FTCDNL1: variants seen among roughly 807,000 people sequenced by gnomAD.
FTCDNL1 encodes the protein formiminotransferase cyclodeaminase N-terminal like, also known as formiminotransferase N-terminal subdomain-containing protein.
A neutral mutation model predicts 5.9 loss-of-function variants in FTCDNL1; 11 were observed. The ratio of observed to expected loss-of-function variants is 1.87; its 90% CI spans 1.18 to 3.10. FTCDNL1 has a LOEUF of 3.10. Ranked by LOEUF, FTCDNL1 falls within the 30% of genes most tolerant of loss-of-function variation. The pLI is 0.00. For synonymous variants in FTCDNL1, 58 were observed against 24.8 expected, an observed-to-expected ratio of 2.34 and a Z score of -3.99; for missense variants, 115 against 65.5, an observed-to-expected ratio of 1.76 and a Z score of -2.61.
chr2:199,829,549 G>A (rs1702240908), intron 3 of FTCDNL1, among the ~76,000 whole-genome samples: 1 of 152,116 alleles, frequency 6.6e-6, no homozygotes, highest in Non-Finnish European at 1.5e-5. Context: ...GCCTATAACA[G>A]ACATAATTGT....
the FTCDNL1 span, among the ~76,000 whole-genome samples, chr2:199,677,716 T>C: frequency 6.6e-6 from 1 of 152,136 alleles, no homozygotes; most frequent in Non-Finnish European, 1.5e-5. Flanking sequence ...ATAACCAAGG[T>C]CACAAATTGT....
chr2:199,667,483 A>G, the FTCDNL1 span, among the ~76,000 whole-genome samples: 1 of 151,288 alleles, frequency 6.6e-6, no homozygotes, highest in African/African-American at 2.4e-5. Context: ...CAAAAAACAA[A>G]CAAACAAACA....
the FTCDNL1 span, among the ~76,000 whole-genome samples, chr2:199,698,062 T>C: frequency 1.7e-4 from 26 of 152,052 alleles, 1 homozygote; most frequent in Admixed American, 3.3e-4. Context: ...TGATAAAGGG[T>C]TCAATTCAAC....
chr2:199,749,597 T>C, the FTCDNL1 span, among the ~76,000 whole-genome samples: 2 of 152,224 alleles, frequency 1.3e-5, no homozygotes, highest in Non-Finnish European at 2.9e-5. Flanking sequence ...TTAACATTTA[T>C]TTGAGTGTTT....
Position 199,824,664 on chromosome 2 carries a change from G to A in FTCDNL1, c.212-4907C>T, listed in dbSNP as rs558259520. 7.2e-5 allele frequency among the ~76,000 whole-genome samples: 11 copies of A among 152,214 alleles called. No individual in the cohort carries two copies. The South Asian group carries it at 2.3e-3, about 32-fold the overall frequency. ...AAAGGCCATTGTTGGGTTATTAATT[G>A]GCCTAATTTCAATACTGTTGTGTCT... On this transcript the variant is annotated intron_variant, in intron 3 of 4. Coordinates refer to ENST00000420128, the MANE Select transcript of FTCDNL1 (RefSeq NM_001363886.2).
At chr2:199,849,788 T>G (rs1397912498) in intron 1 of FTCDNL1, among the ~76,000 whole-genome samples, 1 of 152,174 alleles carries the variant, frequency 6.6e-6, no homozygotes, top group African/African-American at 2.4e-5. Context: ...AGAAAATAAT[T>G]TCCCTCTTCA....
At chr2:199,792,038 G>A (rs978450564) in intron 3 of FTCDNL1, among the ~76,000 whole-genome samples, 1 of 151,770 alleles carries the variant, frequency 6.6e-6, no homozygotes, top group Non-Finnish European at 1.5e-5. Context: ...TTACCACTAT[G>A]AATTTTGTCT....
chr2:199,849,854 A>AG (rs1236049971), intron 1 of FTCDNL1, among the ~76,000 whole-genome samples: 1 of 152,214 alleles, frequency 6.6e-6, no homozygotes, highest in African/African-American at 2.4e-5. Context: ...AAAATAGATG[A>AG]GGCCCTCATG....
intron 3 of FTCDNL1, among the ~76,000 whole-genome samples, chr2:199,838,920 C>T (rs1291620610): frequency 2.0e-5 from 3 of 152,122 alleles, no homozygotes; most frequent in African/African-American, 7.2e-5. Context: ...TTCTAAAACA[C>T]TGGCAGTGGT....
the FTCDNL1 span, among the ~76,000 whole-genome samples, chr2:199,677,156 A>T: frequency 3.9e-5 from 6 of 152,158 alleles, no homozygotes; most frequent in African/African-American, 1.4e-4. Flanking sequence ...TATAACATGT[A>T]TGTAGACTTG....
Position 199,809,673 on chromosome 2 carries a change from C to T in FTCDNL1, c.*3032G>A, listed in dbSNP as rs1400181487. Among the ~76,000 whole-genome samples the T allele has an allele frequency of 2.0e-5, 3 of 152,182 alleles. No individual in the cohort carries two copies. Among genetic ancestry groups the T allele is most frequent in the Non-Finnish European group, 2.9e-5 (2 of 68,024 alleles). On this transcript the variant is annotated 3_prime_UTR_variant, in exon 5 of 5. Transcript: ENST00000420128. Reference sequence around the variant, plus strand: ...TCTCTTTGCTCAAAAACAGTATGTTCTCTAAACCTTTAGACTTTCCATCTG... The same window carrying T: ...TCTCTTTGCTCAAAAACAGTATGTTTTCTAAACCTTTAGACTTTCCATCTG...
chr2:199,825,137 CAA>C (rs564018681), intron 3 of FTCDNL1, among the ~76,000 whole-genome samples: 12 of 84,452 alleles, frequency 1.4e-4, no homozygotes, highest in East Asian at 3.6e-4. Flanking sequence ...GACCCTGTCT[CAA>C]AAAAAAAAAA....
intron 3 of FTCDNL1, among the ~76,000 whole-genome samples, chr2:199,778,508 G>A (rs142742342): frequency 7.2e-5 from 11 of 152,220 alleles, no homozygotes; most frequent in Admixed American, 2.6e-4. Context: ...GAGCACTTTC[G>A]GCCCCTTTAA....
chr2:199,730,658 A>C, the FTCDNL1 span, among the ~76,000 whole-genome samples: 1 of 152,226 alleles, frequency 6.6e-6, no homozygotes, highest in Admixed American at 6.5e-5. Flanking sequence ...ATCTCATGCA[A>C]GTTAGAATGG....
the FTCDNL1 span, among the ~76,000 whole-genome samples, chr2:199,672,971 G>T: frequency 6.6e-6 from 1 of 152,052 alleles, no homozygotes; most frequent in Non-Finnish European, 1.5e-5. Context: ...CAAAGAATTT[G>T]CAGATTCTTT....
chr2:199,751,773 G>GA, the FTCDNL1 span, among the ~76,000 whole-genome samples: 1 of 137,022 alleles, frequency 7.3e-6, no homozygotes, highest in African/African-American at 2.7e-5. Context: ...AATTAATTTT[G>GA]CTCCTTGACT....
intron 3 of FTCDNL1, among the ~76,000 whole-genome samples, chr2:199,791,525 T>C (rs1175226173): frequency 6.6e-6 from 1 of 152,146 alleles, no homozygotes; most frequent in Non-Finnish European, 1.5e-5. Context: ...CTTTAGTCAC[T>C]ATGGTAACTT....
chr2:199,802,265 A>C (rs923235562), intron 3 of FTCDNL1, among the ~76,000 whole-genome samples: 4 of 152,220 alleles, frequency 2.6e-5, no homozygotes, highest in Admixed American at 1.3e-4. Context: ...GGGCACCTAC[A>C]TCTTATGTAT....
chr2:199,769,294 A>AGG (rs1318837763), intron 3 of FTCDNL1, among the ~76,000 whole-genome samples: 1 of 152,108 alleles, frequency 6.6e-6, no homozygotes, highest in Non-Finnish European at 1.5e-5. Context: ...CCCACATGTC[A>AGG]GGGGTGGGCC....
Sources: allele counts gnomAD v4.1 joint callset (sites outside exome capture counted in the v4.1 genomes callset), GRCh38; gene constraint gnomAD v4.1.1; transcripts MANE v1.5; gene names NCBI Gene and HGNC (gene_info 2026-07-23, HGNC 2026-07-21).